The following FILIP1L variants were observed in gnomAD, a reference collection of about 807,000 sequenced individuals.
FILIP1L encodes the protein filamin A interacting protein 1 like.
Under a neutral mutation model 96.6 loss-of-function variants are expected in FILIP1L, and 55 were observed. The observed-to-expected ratio is 0.57, with a 90% confidence interval of 0.46 to 0.71. The LOEUF (loss-of-function observed/expected upper bound fraction) is 0.71, where lower values mean the gene tolerates loss of function less well. Among genes scored for constraint, FILIP1L ranks in the 30% least tolerant of loss-of-function variants. The probability of loss-of-function intolerance (pLI) is 0.00; values close to 1 mark genes in which losing one functional copy is unlikely to be tolerated. For synonymous variants in FILIP1L, 467 were observed against 473.9 expected, an observed-to-expected ratio of 0.99 and a Z score of 0.19; for missense variants, 1,304 against 1,321.2, an observed-to-expected ratio of 0.99 and a Z score of 0.20.
At chr3:99,831,386 AC>A in intron 5 of FILIP1L, among the ~76,000 whole-genome samples, 1 of 152,346 alleles carries the variant, frequency 6.6e-6, no homozygotes, top group Admixed American at 6.5e-5. Flanking sequence ...ACTTACAGGT[AC>A]TTTTGATTTT....
At chr3:99,930,656 C>A in intron 2 of FILIP1L, 113 bp downstream of exon 2, 1 of 1,144,016 alleles carries the variant, frequency 8.7e-7, no homozygotes, top group South Asian at 1.5e-5. Context: ...GCTTTGCTTT[C>A]ATGTACACAC....
At chr3:100,033,663 A>G (rs565115886) in intron 1 of FILIP1L, among the ~76,000 whole-genome samples, 55 of 152,190 alleles carry the variant, frequency 3.6e-4, no homozygotes, top group African/African-American at 7.2e-5. Context: ...GTAGGAAATT[A>G]AAAAGCTTAA....
intron 1 of FILIP1L, among the ~76,000 whole-genome samples, chr3:100,113,832 C>T (rs2066530076): frequency 6.6e-6 from 1 of 152,170 alleles, no homozygotes; most frequent in African/African-American, 2.4e-5. Context: ...TATAGTAAAA[C>T]TTACCTACTG....
rs533830033 is a variant in FILIP1L at position 100,039,147 on chromosome 3, A to G, written c.-11+74906T>C. Among the ~76,000 whole-genome samples, 15 of 152,344 alleles carry G rather than the reference A, an allele frequency of 9.8e-5. No homozygotes were observed. The South Asian group carries it at 3.1e-3, about 32-fold the overall frequency. Reference sequence around the variant, plus strand: ...GGTATTGAAATTATCATCATCTAATAATAGTTCATCAAACACAGAGACATT... The same window carrying G: ...GGTATTGAAATTATCATCATCTAATGATAGTTCATCAAACACAGAGACATT... On this transcript the variant is annotated intron_variant, in intron 1 of 5. Transcript: ENST00000477258.
rs9816232 is a variant in FILIP1L at position 99,895,992 on chromosome 3, G to A, written c.605+28238C>T. ...AGGAGACATGTGGCTCACTGGAGGA[G>A]GGAACCATTTGCTTCTGCAGGGAAC... is the stretch of plus-strand genomic sequence containing the variant. On this transcript the variant is annotated intron_variant, in intron 4 of 5. Transcript: ENST00000477258. 5.0e-3 allele frequency among the ~76,000 whole-genome samples: 765 copies of A among 152,314 alleles called. 6 individuals carry two copies. The highest frequency in any genetic ancestry group is 0.017 in the African/African-American group (722 of 41,558).
chr3:100,106,701 T>C (rs1361581150), intron 1 of FILIP1L, among the ~76,000 whole-genome samples: 3 of 152,182 alleles, frequency 2.0e-5, no homozygotes, highest in Admixed American at 2.0e-4. Context: ...CTGCTGTAAA[T>C]GTAAGCTTCC....
intron 1 of FILIP1L, among the ~76,000 whole-genome samples, chr3:100,005,725 C>G (rs918404587): frequency 2.6e-5 from 4 of 152,140 alleles, no homozygotes; most frequent in South Asian, 4.1e-4. Context: ...TGTTAGCAGT[C>G]ATAATAAACA....
At chr3:100,004,129 C>G (rs753153586) in intron 1 of FILIP1L, among the ~76,000 whole-genome samples, 37 of 152,120 alleles carry the variant, frequency 2.4e-4, no homozygotes, top group Non-Finnish European at 4.9e-4. Flanking sequence ...CTGCATGATG[C>G]CTTCCTAGGG....
At chr3:99,864,797 GGATTCCCCCTCACCTCATTA>G (rs1235314735) in intron 4 of FILIP1L, among the ~76,000 whole-genome samples, 8 of 151,888 alleles carry the variant, frequency 5.3e-5, no homozygotes, top group Non-Finnish European at 1.0e-4. Context: ...AGGAACCACT[GGATTCCCCCTCACCTCATTA>G]GTACCATCTG....
At chr3:99,930,688 A>G (rs771027695) in intron 2 of FILIP1L, 81 bp downstream of exon 2, 19 of 1,469,742 alleles carry the variant, frequency 1.3e-5, no homozygotes, top group Non-Finnish European at 1.8e-5. Context: ...ACAGATATCT[A>G]TTTCTGTGGC....
intron 1 of FILIP1L, among the ~76,000 whole-genome samples, chr3:99,987,608 T>C (rs1709383463): frequency 6.6e-6 from 1 of 151,986 alleles, no homozygotes; most frequent in Admixed American, 6.6e-5. Flanking sequence ...TTGAACCCTC[T>C]GGCCTTAATC....
At chr3:99,885,175 G>A (rs1705853123) in intron 4 of FILIP1L, among the ~76,000 whole-genome samples, 1 of 152,154 alleles carries the variant, frequency 6.6e-6, no homozygotes, top group Admixed American at 6.5e-5. Context: ...GCTGAGTTTG[G>A]AAACACACAG....
intron 4 of FILIP1L, among the ~76,000 whole-genome samples, chr3:99,903,714 T>C (rs555632673): frequency 1.3e-5 from 2 of 152,306 alleles, no homozygotes; most frequent in East Asian, 3.9e-4. Context: ...AACATCCTTG[T>C]AGCTACCATG....
At chr3:99,999,071 A>G (rs1334078882) in intron 1 of FILIP1L, among the ~76,000 whole-genome samples, 4 of 152,196 alleles carry the variant, frequency 2.6e-5, no homozygotes, top group African/African-American at 9.6e-5. Context: ...CTATGTACCT[A>G]TATCCGTCAT....
At chr3:99,897,503 A>G (rs1228338070) in intron 4 of FILIP1L, among the ~76,000 whole-genome samples, 1 of 152,224 alleles carries the variant, frequency 6.6e-6, no homozygotes, top group East Asian at 1.9e-4. Context: ...CTGACACCAA[A>G]TTTTGAATTT....
chr3:99,937,240 G>T (rs1707708082), intron 1 of FILIP1L, among the ~76,000 whole-genome samples: 1 of 152,018 alleles, frequency 6.6e-6, no homozygotes, highest in African/African-American at 2.4e-5. Flanking sequence ...GCCCAGCCTA[G>T]CTTATTTTCA....
At chr3:99,868,396 G>C (rs78310695) in intron 4 of FILIP1L, among the ~76,000 whole-genome samples, 1 of 152,120 alleles carries the variant, frequency 6.6e-6, no homozygotes, top group Non-Finnish European at 1.5e-5. Context: ...TCCTACAAAG[G>C]ACCTCCTCTT....
intron 1 of FILIP1L, among the ~76,000 whole-genome samples, chr3:100,064,951 AC>A (rs1383135701): frequency 2.0e-5 from 3 of 152,198 alleles, no homozygotes; most frequent in Non-Finnish European, 4.4e-5. Context: ...ATGTATATCT[AC>A]TAACATATGT....
At position 100,091,324 on chromosome 3, in the gene FILIP1L, A is replaced by T. The variant is rs140752825; in HGVS notation, c.-11+22729T>A. Among the ~76,000 whole-genome samples, 646 of 151,934 alleles carry T rather than the reference A, an allele frequency of 4.3e-3. 7 individuals carry two copies. The highest frequency in any genetic ancestry group is 0.015 in the African/African-American group (633 of 41,486). ...AAAAGAAAAAAGAAACCCTGCCTTTAAGGGGTGTGCATGTATGTATGTGTA... is the reference window on the plus strand; with the variant it reads ...AAAAGAAAAAAGAAACCCTGCCTTTTAGGGGTGTGCATGTATGTATGTGTA... On this transcript the variant is annotated intron_variant, in intron 1 of 5. Coordinates refer to ENST00000477258, the MANE Select transcript of FILIP1L (RefSeq NM_001387850.1).
Sources: gnomAD v4.1 joint callset for allele counts (sites outside exome capture counted in the v4.1 genomes callset) on GRCh38, gnomAD v4.1.1 for gene constraint, MANE v1.5 for transcripts, NCBI Gene and HGNC (gene_info 2026-07-23, HGNC 2026-07-21) for gene names.